The following PTPRT variants were observed in gnomAD, a reference collection of about 807,000 sequenced individuals.
PTPRT encodes the protein receptor-type tyrosine-protein phosphatase T.
Under a neutral mutation model 176.8 loss-of-function variants are expected in PTPRT, and 56 were observed. That is an observed-to-expected ratio of 0.32 (90% confidence interval 0.26 to 0.40). PTPRT has a LOEUF of 0.40. Ranked by LOEUF, PTPRT falls within the 10% of genes least tolerant of loss-of-function variation. The pLI is 1.00. For synonymous variants in PTPRT, 783 were observed against 739.0 expected, an observed-to-expected ratio of 1.06 and a Z score of -0.96; for missense variants, 1,540 against 1,908.2, an observed-to-expected ratio of 0.81 and a Z score of 3.60.
At chr20:42,095,421 G>A (rs1194769558) in intron 27 of PTPRT, among the ~76,000 whole-genome samples, 3 of 152,090 alleles carry the variant, frequency 2.0e-5, no homozygotes, top group African/African-American at 7.2e-5. Flanking sequence ...TTCCTCAAGG[G>A]CACCAGGTGC....
chr20:42,210,214 A>C (rs2055586750), intron 15 of PTPRT, among the ~76,000 whole-genome samples: 2 of 152,340 alleles, frequency 1.3e-5, no homozygotes, highest in East Asian at 3.9e-4. Flanking sequence ...AAAAACTGGA[A>C]GCATTCTCTT....
chr20:42,497,818 A>G (rs2071682443), intron 7 of PTPRT, among the ~76,000 whole-genome samples: 1 of 152,190 alleles, frequency 6.6e-6, no homozygotes, highest in Admixed American at 6.6e-5. Context: ...TTTTGCAAAA[A>G]GTGCAAGGTT....
At chr20:42,424,949 T>C (rs1191045095) in intron 9 of PTPRT, among the ~76,000 whole-genome samples, 1 of 151,290 alleles carries the variant, frequency 6.6e-6, no homozygotes, top group Non-Finnish European at 1.5e-5. Flanking sequence ...CTGACAAAAG[T>C]GTATGGAAAA....
intron 16 of PTPRT, among the ~76,000 whole-genome samples, chr20:42,172,316 A>G (rs543008468): frequency 6.6e-6 from 1 of 152,372 alleles, no homozygotes; most frequent in Admixed American, 6.5e-5. Context: ...AACACCAACA[A>G]ATTAGACAAA....
At chr20:42,921,599 C>T (rs897266068) in intron 1 of PTPRT, among the ~76,000 whole-genome samples, 1 of 152,156 alleles carries the variant, frequency 6.6e-6, no homozygotes, top group Non-Finnish European at 1.5e-5. Flanking sequence ...ATAAAAACAA[C>T]ACAAAAATTT....
At chr20:42,908,868 G>GAAAT (rs1438847355) in intron 1 of PTPRT, among the ~76,000 whole-genome samples, 1 of 152,138 alleles carries the variant, frequency 6.6e-6, no homozygotes, top group Non-Finnish European at 1.5e-5. Context: ...TATACACAAG[G>GAAAT]AAATACAGGA....
intron 9 of PTPRT, among the ~76,000 whole-genome samples, chr20:42,439,556 C>G (rs1372338905): frequency 6.6e-6 from 1 of 152,074 alleles, no homozygotes. Context: ...TTGGCTGTAG[C>G]GTAACATCAG....
At chr20:42,652,670 G>T (rs1013846639) in intron 7 of PTPRT, among the ~76,000 whole-genome samples, 1 of 152,096 alleles carries the variant, frequency 6.6e-6, no homozygotes. Flanking sequence ...TGCCTATGGT[G>T]CCTCTGATAG....
At chr20:42,580,479 G>A (rs368845086) in intron 7 of PTPRT, among the ~76,000 whole-genome samples, 1 of 152,010 alleles carries the variant, frequency 6.6e-6, no homozygotes, top group Non-Finnish European at 1.5e-5. Flanking sequence ...CATTGAATCT[G>A]TAAATTACCT....
At chr20:42,806,430 G>A (rs1294084174) in intron 2 of PTPRT, among the ~76,000 whole-genome samples, 1 of 148,244 alleles carries the variant, frequency 6.7e-6, no homozygotes, top group East Asian at 2.0e-4. Context: ...GTTGCAGTGA[G>A]CCAAGATTGA....
chr20:42,746,495 G>A (rs550791788), intron 6 of PTPRT, among the ~76,000 whole-genome samples: 27 of 152,054 alleles, frequency 1.8e-4, no homozygotes, highest in Admixed American at 3.3e-4. Flanking sequence ...TAGGGGAGCC[G>A]GCATTATTAT....
In PTPRT at chr20:42,085,864, G is replaced by A; in HGVS notation, c.3847-11C>T. ...GTACTGCATACAGAACTGAGATAAG[G>A]AAAGAGGTCACAGAAGGAGCTCAAA... On this transcript the variant is annotated splice_polypyrimidine_tract_variant and intron_variant, in intron 27 of 30. Coordinates refer to ENST00000373187, the MANE Select transcript of PTPRT (RefSeq NM_007050.6). The A allele has an allele frequency of 6.2e-7, 1 of 1,609,386 alleles. No individual in the cohort carries two copies. Among genetic ancestry groups the A allele is most frequent in the South Asian group, 1.1e-5 (1 of 90,906 alleles).
intron 7 of PTPRT, among the ~76,000 whole-genome samples, chr20:42,648,400 T>C (rs1167528196): frequency 6.6e-6 from 1 of 152,108 alleles, no homozygotes; most frequent in African/African-American, 2.4e-5. Flanking sequence ...AGGAACACAG[T>C]TGGCCTCAGC....
intron 1 of PTPRT, among the ~76,000 whole-genome samples, chr20:42,970,292 A>C (rs959749853): frequency 6.6e-6 from 1 of 152,256 alleles, no homozygotes; most frequent in African/African-American, 2.4e-5. Flanking sequence ...GTCAAACACA[A>C]CAATAACATC....
intron 1 of PTPRT, among the ~76,000 whole-genome samples, chr20:43,014,526 C>A (rs1185163959): frequency 6.6e-6 from 1 of 152,198 alleles, no homozygotes; most frequent in Non-Finnish European, 1.5e-5. Context: ...AGCCATATAT[C>A]CACATGACCA....
At chr20:42,608,990 G>C (rs2073929178) in intron 7 of PTPRT, among the ~76,000 whole-genome samples, 2 of 152,218 alleles carry the variant, frequency 1.3e-5, no homozygotes, top group Non-Finnish European at 1.5e-5. Flanking sequence ...GTCAGGGTTT[G>C]GTATAGGATT....
At chr20:42,825,887 C>A (rs887090713) in intron 2 of PTPRT, among the ~76,000 whole-genome samples, 2 of 151,922 alleles carry the variant, frequency 1.3e-5, no homozygotes, top group African/African-American at 4.8e-5. Flanking sequence ...CCATGGAGTA[C>A]CAAAAGGACC....
intron 16 of PTPRT, among the ~76,000 whole-genome samples, chr20:42,186,203 G>T (rs1462906768): frequency 6.6e-6 from 1 of 151,986 alleles, no homozygotes; most frequent in Non-Finnish European, 1.5e-5. Context: ...AATATTTTAG[G>T]CTTTGTGGGC....
At chr20:42,445,815 T>G (rs2070723611) in intron 9 of PTPRT, among the ~76,000 whole-genome samples, 1 of 152,156 alleles carries the variant, frequency 6.6e-6, no homozygotes, top group Admixed American at 6.5e-5. Flanking sequence ...GGCATCAGAT[T>G]CACACAGAAG....
Sources: allele counts gnomAD v4.1 joint callset (sites outside exome capture counted in the v4.1 genomes callset), GRCh38; gene constraint gnomAD v4.1.1; transcripts MANE v1.5; gene names NCBI Gene and HGNC (gene_info 2026-07-23, HGNC 2026-07-21).